The following ENPP6 variants were observed in gnomAD, a reference collection of about 807,000 sequenced individuals.
ENPP6 encodes the protein ectonucleotide pyrophosphatase/phosphodiesterase 6.
In ENPP6, 32 loss-of-function variants were observed where a neutral mutation model predicts 42.0. The observed-to-expected ratio is 0.76, with a 90% confidence interval of 0.58 to 1.02. The LOEUF (loss-of-function observed/expected upper bound fraction) is 1.02, where lower values mean the gene tolerates loss of function less well. ENPP6 is among the 50% of genes least tolerant of loss of function. ENPP6 has a pLI of 0.00. For synonymous variants in ENPP6, 213 were observed against 216.0 expected (o/e 0.99, Z 0.12); for missense variants, 552 against 566.8 (o/e 0.97, Z 0.27).
intron 1 of ENPP6, among the ~76,000 whole-genome samples, chr4:184,206,189 T>A (rs1396574563): frequency 1.3e-5 from 2 of 148,630 alleles, no homozygotes; most frequent in African/African-American, 5.0e-5. Context: ...GGAGGCTGTC[T>A]CCACCCTACC....
rs138791588 is a variant in ENPP6, at chr4:184,142,747, C to T, written c.421+10807G>A. On this transcript the variant is annotated intron_variant, in intron 2 of 7. Coordinates refer to ENST00000296741, the MANE Select transcript of ENPP6 (RefSeq NM_153343.4). ...AGATGAGAGGGAACGTGTGCCATAC[C>T]CAGGCTGAGTCTCAGCTTCAGGGAG... Among the ~76,000 whole-genome samples the T allele has an allele frequency of 3.6e-3, 543 of 152,310 alleles. 6 individuals carry two copies. The highest frequency in any genetic ancestry group is 0.014 in the Middle Eastern group (4 of 294).
Position 184,211,507 on chromosome 4 carries a change from C to T in ENPP6, c.241+6072G>A, listed in dbSNP as rs1016518076. ...ATCTAGAAGAAATGGATACATTCCT[C>T]GACACATACACTCTCCCAAGACTAA... On this transcript the variant is annotated intron_variant, in intron 1 of 7. Coordinates refer to ENST00000296741, the MANE Select transcript of ENPP6 (RefSeq NM_153343.4). Among the ~76,000 whole-genome samples the T allele has an allele frequency of 7.2e-4, 109 of 152,246 alleles. 1 individual carries two copies. Among genetic ancestry groups the T allele is most frequent in the African/African-American group, 2.3e-3 (95 of 41,552 alleles).
At chr4:184,204,467 C>G (rs10005433) in intron 1 of ENPP6, among the ~76,000 whole-genome samples, 1 of 152,096 alleles carries the variant, frequency 6.6e-6, no homozygotes, top group Non-Finnish European at 1.5e-5. Flanking sequence ...TAGGCCTGAA[C>G]CGTCCTCACA....
intron 2 of ENPP6, among the ~76,000 whole-genome samples, chr4:184,131,569 G>A (rs1221502213): frequency 7.1e-6 from 1 of 141,574 alleles, no homozygotes; most frequent in Non-Finnish European, 1.5e-5. Flanking sequence ...TCACCATGTT[G>A]GCCAGGCTGG....
intron 1 of ENPP6, among the ~76,000 whole-genome samples, chr4:184,181,972 G>A (rs769353601): frequency 1.7e-4 from 26 of 151,980 alleles, no homozygotes; most frequent in Non-Finnish European, 2.9e-4. Context: ...TGATGAAAAC[G>A]TCAAAAGCAA....
intron 1 of ENPP6, among the ~76,000 whole-genome samples, chr4:184,162,092 G>A (rs573256829): frequency 6.6e-6 from 1 of 151,720 alleles, no homozygotes; most frequent in Non-Finnish European, 1.5e-5. Flanking sequence ...CCCCCTCCCC[G>A]CATGGTTTTT....
chr4:184,169,460 C>T (rs1420140532), intron 1 of ENPP6, among the ~76,000 whole-genome samples: 1 of 152,212 alleles, frequency 6.6e-6, no homozygotes, highest in African/African-American at 2.4e-5. Context: ...CTGCCTCACC[C>T]CTGCTTCTTT....
intron 4 of ENPP6, among the ~76,000 whole-genome samples, chr4:184,117,239 A>G (rs566515767): frequency 6.6e-5 from 10 of 152,328 alleles, no homozygotes; most frequent in East Asian, 3.9e-4. Context: ...GTCCCACTCA[A>G]TTCGTGCTGA....
chr4:184,177,662 C>T (rs1161620311), intron 1 of ENPP6, among the ~76,000 whole-genome samples: 1 of 152,190 alleles, frequency 6.6e-6, no homozygotes, highest in Non-Finnish European at 1.5e-5. Flanking sequence ...GAGGAAGGAG[C>T]AGGCAGTCAT....
intron 2 of ENPP6, among the ~76,000 whole-genome samples, chr4:184,129,662 T>C (rs565850913): frequency 6.6e-6 from 1 of 152,356 alleles, no homozygotes; most frequent in South Asian, 2.1e-4. Context: ...ATATTATTTA[T>C]AAAACTGAGA....
chr4:184,127,077 A>G (rs1046477858), intron 2 of ENPP6, among the ~76,000 whole-genome samples: 1 of 152,248 alleles, frequency 6.6e-6, no homozygotes, highest in Non-Finnish European at 1.5e-5. Flanking sequence ...ATACATTTTT[A>G]AAAAAGATTA....
chr4:184,095,449 C>T (rs1391058934), intron 7 of ENPP6, among the ~76,000 whole-genome samples: 2 of 151,892 alleles, frequency 1.3e-5, no homozygotes, highest in Non-Finnish European at 2.9e-5. Context: ...CACCTGAGGT[C>T]AGGAGTTTGA....
rs1317415545 is a variant in ENPP6 at position 184,208,912 on chromosome 4, A to T, written c.241+8667T>A. Among the ~76,000 whole-genome samples the T allele has an allele frequency of 2.4e-3, 339 of 143,544 alleles. 1 individual carries two copies. The highest frequency in any genetic ancestry group is 8.2e-3 in the African/African-American group (317 of 38,478). 94.2% of individuals were successfully genotyped at this position (143,544 alleles called of 152,430 possible). A position where few individuals can be genotyped will look rare whatever the true frequency, so the allele number is the denominator to read the frequency against. On this transcript the variant is annotated intron_variant, in intron 1 of 7. Transcript: ENST00000296741. ...CTGAGAACGGGCAGACTGCCTCCTC[A>T]AGTGGGTCCCTGACCCCTGACCCCC...
intron 7 of ENPP6, among the ~76,000 whole-genome samples, chr4:184,093,810 G>C (rs80188473): frequency 6.6e-6 from 1 of 151,994 alleles, no homozygotes; most frequent in South Asian, 2.1e-4. Context: ...AGTGCAGCAC[G>C]AGAATCCAGT....
intron 1 of ENPP6, among the ~76,000 whole-genome samples, chr4:184,155,821 C>G (rs1737149555): frequency 6.6e-6 from 1 of 152,120 alleles, no homozygotes; most frequent in African/African-American, 2.4e-5. Flanking sequence ...CTCAGAAACC[C>G]CATATCATTT....
intron 6 of ENPP6, among the ~76,000 whole-genome samples, chr4:184,106,421 C>G (rs1021350285): frequency 6.6e-6 from 1 of 152,170 alleles, no homozygotes; most frequent in Non-Finnish European, 1.5e-5. Flanking sequence ...CTTGTTGCCA[C>G]GTCCCCTCTC....
chr4:184,116,741 G>GAAAC, intron 5 of ENPP6, 115 bp downstream of exon 5: 1 of 1,408,858 alleles, frequency 7.1e-7, no homozygotes, highest in Non-Finnish European at 9.6e-7. Flanking sequence ...CTCAAAAAAA[G>GAAAC]AAACAAACAC....
chr4:184,184,419 A>G lies in ENPP6; in HGVS notation c.242-30686T>C, dbSNP rs1215602491. Among the ~76,000 whole-genome samples, 2 of 152,254 alleles carry G rather than the reference A, an allele frequency of 1.3e-5. No individual in the cohort carries two copies. The highest frequency in any genetic ancestry group is 2.9e-5 in the Non-Finnish European group (2 of 68,050). On this transcript the variant is annotated intron_variant, in intron 1 of 7. Coordinates refer to ENST00000296741, the MANE Select transcript of ENPP6 (RefSeq NM_153343.4). This position sits in a 1 kb window ranked among gnomAD's most constrained non-coding sequence, Gnocchi z 4.7. ...GTTAAAACTTGGTAGTAAGCTAAAT[A>G]GCAGAACCAATGCAGCTGAAAAAAT...
At chr4:184,185,239 G>A (rs1732614876) in intron 1 of ENPP6, among the ~76,000 whole-genome samples, 1 of 152,040 alleles carries the variant, frequency 6.6e-6, no homozygotes, top group South Asian at 2.1e-4. Context: ...GGTTTACACC[G>A]GTTGCTCCTG....
Sources: gnomAD v4.1 joint callset for allele counts (sites outside exome capture counted in the v4.1 genomes callset) on GRCh38, gnomAD v4.1.1 for gene constraint, Gnocchi (gnomAD v3.1) non-coding constraint, MANE v1.5 for transcripts, NCBI Gene and HGNC (gene_info 2026-07-23, HGNC 2026-07-21) for gene names.